FHIT: variants seen among roughly 807,000 people sequenced by gnomAD.
FHIT encodes the protein bis(5'-adenosyl)-triphosphatase.
In FHIT, 19 loss-of-function variants were observed where a neutral mutation model predicts 17.9. The observed-to-expected ratio is 1.06, with a 90% CI of 0.74 to 1.56. The LOEUF (loss-of-function observed/expected upper bound fraction) is 1.56. Ranked by LOEUF, FHIT falls within the 40% of genes most tolerant of loss-of-function variation. The probability of loss-of-function intolerance (pLI) is 0.00; values close to 1 mark genes in which losing one functional copy is unlikely to be tolerated. For synonymous variants in FHIT, 81 were observed against 69.7 expected, an observed-to-expected ratio of 1.16 and a Z score of -0.81; for missense variants, 248 against 189.2, an observed-to-expected ratio of 1.31 and a Z score of -1.82.
At chr3:60,627,774 A>T (rs1553681395) in intron 4 of FHIT, among the ~76,000 whole-genome samples, 1 of 152,168 alleles carries the variant, frequency 6.6e-6, no homozygotes, top group African/African-American at 2.4e-5. Context: ...CGCCCACCTC[A>T]GCCTCCCAAA....
rs530631633 is a variant in FHIT, at chr3:60,256,521, G to A, written c.104-242369C>T. Among the ~76,000 whole-genome samples, 159 of 152,278 alleles carry A rather than the reference G, an allele frequency of 1.0e-3. 1 individual carries two copies. Among genetic ancestry groups the A allele is most frequent in the Middle Eastern group, 6.8e-3 (2 of 294 alleles). ...TTCAGAAGACAGACCCTATGGTTAC[G>A]CCATTTTGTAGATGAGCTAACTAAG... On this transcript the variant is annotated intron_variant, in intron 5 of 9. Transcript: ENST00000492590.
chr3:59,981,189 A>C (rs1360416332), intron 7 of FHIT, among the ~76,000 whole-genome samples: 1 of 152,192 alleles, frequency 6.6e-6, no homozygotes, highest in South Asian at 2.1e-4. Flanking sequence ...CATCTCATGG[A>C]AATGGAGTTT....
At position 60,871,852 on chromosome 3, in the gene FHIT, G is replaced by A. The variant is rs548859614; in HGVS notation, c.-110-49841C>T. 2.3e-3 allele frequency among the ~76,000 whole-genome samples: 344 copies of A among 151,800 alleles called. 1 individual carries two copies. The highest frequency in any genetic ancestry group is 4.1e-3 in the Non-Finnish European group (279 of 67,928). On this transcript the variant is annotated intron_variant, in intron 3 of 9. Coordinates refer to ENST00000492590, the MANE Select transcript of FHIT (RefSeq NM_002012.4). ...TTATTTATTTATTTTTTGTAGAGAC[G>A]AGGTCTTGCTTTGTTGCCCAGGTTG...
intron 4 of FHIT, among the ~76,000 whole-genome samples, chr3:60,722,685 G>T (rs1289339903): frequency 6.7e-6 from 1 of 148,760 alleles, no homozygotes; most frequent in Admixed American, 6.7e-5. Flanking sequence ...AATCATACTG[G>T]TTGAAAACTG....
At chr3:60,582,743 C>T (rs954587802) in intron 4 of FHIT, among the ~76,000 whole-genome samples, 1 of 152,002 alleles carries the variant, frequency 6.6e-6, no homozygotes, top group Non-Finnish European at 1.5e-5. Flanking sequence ...ATATGGAAGA[C>T]CCTGGGGTGT....
At chr3:60,204,403 G>A (rs950978588) in intron 5 of FHIT, among the ~76,000 whole-genome samples, 2 of 151,948 alleles carry the variant, frequency 1.3e-5, no homozygotes, top group Non-Finnish European at 2.9e-5. Context: ...CTGAGTAGCT[G>A]GGATTACAAG....
In FHIT at chr3:60,860,606, GA is replaced by G. The variant is rs1201554506; in HGVS notation, c.-110-38596del. Among the ~76,000 whole-genome samples the G allele has an allele frequency of 8.5e-4, 59 of 69,380 alleles. 11 individuals are homozygous for G. Among genetic ancestry groups the G allele is most frequent in the African/African-American group, 3.2e-3 (58 of 18,402 alleles). 45.5% of individuals were successfully genotyped at this position (69,380 alleles called of 152,430 possible). On this transcript the variant is annotated intron_variant, in intron 3 of 9. Coordinates refer to ENST00000492590, the MANE Select transcript of FHIT (RefSeq NM_002012.4). Reference sequence around the variant, plus strand: ...TATGTATCATATATCAGGTATATATGATACATATGTACATATATATCAGGTA... The same window carrying G: ...TATGTATCATATATCAGGTATATATGTACATATGTACATATATATCAGGTA...
chr3:60,482,941 AAAG>A (rs1313977623), intron 5 of FHIT, among the ~76,000 whole-genome samples: 1 of 152,120 alleles, frequency 6.6e-6, no homozygotes, highest in Non-Finnish European at 1.5e-5. Flanking sequence ...CTAGATTAAT[AAAG>A]AAGAAAAGAG....
intron 5 of FHIT, among the ~76,000 whole-genome samples, chr3:60,250,493 G>C (rs1705644630): frequency 6.6e-6 from 1 of 152,142 alleles, no homozygotes; most frequent in African/African-American, 2.4e-5. Flanking sequence ...TGACTTGTTA[G>C]CAAAGTTCAG....
chr3:59,971,996 G>A (rs1004376332), intron 7 of FHIT, among the ~76,000 whole-genome samples: 2 of 152,108 alleles, frequency 1.3e-5, no homozygotes, highest in African/African-American at 2.4e-5. Context: ...GCCCTGTGCA[G>A]ACATGCCTTG....
chr3:60,225,710 T>C (rs1007829124), intron 5 of FHIT, among the ~76,000 whole-genome samples: 2 of 152,184 alleles, frequency 1.3e-5, no homozygotes, highest in African/African-American at 2.4e-5. Context: ...AATGCAAAAC[T>C]TGCCCTCTTA....
intron 5 of FHIT, among the ~76,000 whole-genome samples, chr3:60,033,128 G>A (rs1006829222): frequency 6.7e-6 from 1 of 148,828 alleles, no homozygotes; most frequent in African/African-American, 2.5e-5. Flanking sequence ...ATCCAACCAA[G>A]CAATGATAAA....
chr3:60,224,192 C>G (rs1298492149), intron 5 of FHIT, among the ~76,000 whole-genome samples: 1 of 152,108 alleles, frequency 6.6e-6, no homozygotes, highest in Non-Finnish European at 1.5e-5. Context: ...ATCCCCCTTC[C>G]GCTATCTTCC....
intron 3 of FHIT, among the ~76,000 whole-genome samples, chr3:60,877,900 G>C (rs1186327330): frequency 6.6e-6 from 1 of 151,962 alleles, no homozygotes; most frequent in Non-Finnish European, 1.5e-5. Context: ...GTCATTCTAG[G>C]GTACTTGCTG....
rs1295698075 is a variant in FHIT, at chr3:60,860,522, AT to A, written c.-110-38512del. 4.3e-4 allele frequency among the ~76,000 whole-genome samples: 47 copies of A among 110,138 alleles called. 1 individual carries two copies. Among genetic ancestry groups the A allele is most frequent in the South Asian group, 1.7e-3 (6 of 3,606 alleles). The allele number at this position is 110,138 out of a possible 152,430, so 72.3% of individuals were successfully genotyped here. On this transcript the variant is annotated intron_variant, in intron 3 of 9. Transcript: ENST00000492590. ...TATCAGGTATATATGATACATATGTATCATATATATCAGGTATATATGATAC... is the reference window on the plus strand; with the variant it reads ...TATCAGGTATATATGATACATATGTACATATATATCAGGTATATATGATAC...
intron 8 of FHIT, among the ~76,000 whole-genome samples, chr3:59,896,826 G>A (rs558412184): frequency 3.3e-5 from 5 of 152,048 alleles, no homozygotes; most frequent in Admixed American, 6.6e-5. Context: ...GCAAGAATAC[G>A]AGTATGACAT....
chr3:59,843,631 AGCT>A (rs749198733), intron 8 of FHIT, among the ~76,000 whole-genome samples: 15 of 152,194 alleles, frequency 9.9e-5, no homozygotes, highest in Non-Finnish European at 2.1e-4. Flanking sequence ...TCTTTGGTTA[AGCT>A]AATTCCTAAG....
At chr3:60,913,613 T>G (rs1335996944) in intron 3 of FHIT, among the ~76,000 whole-genome samples, 1 of 152,224 alleles carries the variant, frequency 6.6e-6, no homozygotes, top group African/African-American at 2.4e-5. Context: ...CCCCAAAAGT[T>G]AGTGACTTTA....
At chr3:59,837,874 G>C (rs1443370394) in intron 8 of FHIT, among the ~76,000 whole-genome samples, 4 of 152,046 alleles carry the variant, frequency 2.6e-5, no homozygotes, top group African/African-American at 9.7e-5. Context: ...GGGAATAATA[G>C]TAATATCTGC....
Sources: allele counts gnomAD v4.1 joint callset (sites outside exome capture counted in the v4.1 genomes callset), GRCh38; gene constraint gnomAD v4.1.1; transcripts MANE v1.5; gene names NCBI Gene and HGNC (gene_info 2026-07-23, HGNC 2026-07-21).